Variants in VAC14 observed in about 807,000 individuals in gnomAD.
The protein encoded by VAC14 is VAC14 component of PIKFYVE complex, also known as protein VAC14 homolog.
VAC14 carries 47 observed loss-of-function variants against 85.3 expected under a neutral mutation model. That is an observed-to-expected ratio of 0.55 (90% CI 0.44 to 0.70). The LOEUF (loss-of-function observed/expected upper bound fraction) is 0.70, where lower values mean the gene tolerates loss of function less well. VAC14 is among the 30% of genes least tolerant of loss of function. The probability of loss-of-function intolerance (pLI) is 0.00; values close to 1 mark genes in which losing one functional copy is unlikely to be tolerated. For missense variants in VAC14, 861 were observed against 1,004.3 expected (o/e 0.86, Z 1.93); for synonymous variants, 447 against 430.5 (o/e 1.04, Z -0.47).
At chr16:70,721,024 G>A (rs951763714) in intron 14 of VAC14, among the ~76,000 whole-genome samples, 2 of 152,228 alleles carry the variant, frequency 1.3e-5, no homozygotes, top group African/African-American at 4.8e-5. Context: ...GCGAGCCACT[G>A]CGATAAGCCA....
chr16:70,766,918 T>C (rs1216482306), intron 10 of VAC14, among the ~76,000 whole-genome samples: 1 of 152,152 alleles, frequency 6.6e-6, no homozygotes, highest in African/African-American at 2.4e-5. Flanking sequence ...CATGATGTGC[T>C]CAGTTCCCCA....
chr16:70,741,479 G>A (rs942883239), intron 13 of VAC14, among the ~76,000 whole-genome samples: 1 of 152,202 alleles, frequency 6.6e-6, no homozygotes, highest in African/African-American at 2.4e-5. Flanking sequence ...GGCCCCATTT[G>A]TAAAATCTGA....
chr16:70,689,836 C>T (rs1309717838), intron 18 of VAC14: 4 of 985,388 alleles, frequency 4.1e-6, no homozygotes, highest in Non-Finnish European at 4.8e-6. Context: ...CCTTGGGAAC[C>T]AGGTGCCACT....
intron 12 of VAC14, among the ~76,000 whole-genome samples, chr16:70,749,946 C>G (rs2031243718): frequency 1.3e-5 from 2 of 152,238 alleles, no homozygotes; most frequent in Admixed American, 1.3e-4. Flanking sequence ...TGGGTCCCAG[C>G]AACAGAGACT....
chr16:70,690,675 C>A, intron 18 of VAC14: 2 of 985,710 alleles, frequency 2.0e-6, no homozygotes, highest in Non-Finnish European at 2.4e-6. Context: ...CCCCGCAACT[C>A]GACCCTGTCT....
At chr16:70,702,913 T>C (rs1185268112) in intron 14 of VAC14, among the ~76,000 whole-genome samples, 3 of 152,204 alleles carry the variant, frequency 2.0e-5, no homozygotes, top group Admixed American at 6.5e-5. Context: ...TCACATAACC[T>C]GGGCAGGGTT....
At chr16:70,785,161 C>T (rs763873026) in intron 3 of VAC14, among the ~76,000 whole-genome samples, 21 of 152,208 alleles carry the variant, frequency 1.4e-4, no homozygotes, top group Non-Finnish European at 2.5e-4. Flanking sequence ...AATCTTAAAG[C>T]GCTGGGTCCT....
chr16:70,742,839 A>T (rs1039173446), intron 13 of VAC14, among the ~76,000 whole-genome samples: 2 of 152,230 alleles, frequency 1.3e-5, no homozygotes, highest in Admixed American at 6.5e-5. Context: ...ATGACACGTG[A>T]GGCTGCATCA....
intron 9 of VAC14, among the ~76,000 whole-genome samples, chr16:70,779,317 T>G (rs1211922046): frequency 6.6e-6 from 1 of 152,262 alleles, no homozygotes; most frequent in African/African-American, 2.4e-5. Flanking sequence ...AATGGGAGAA[T>G]GCTCAGCAAT....
chr16:70,706,813 T>C (rs966609849), intron 14 of VAC14, among the ~76,000 whole-genome samples: 7 of 152,198 alleles, frequency 4.6e-5, no homozygotes, highest in South Asian at 2.1e-4. Flanking sequence ...CCTTTCTACA[T>C]TGGATGCTGG....
chr16:70,771,985 G>A lies in VAC14; in HGVS notation c.1160+124C>T, dbSNP rs1475224539. 4.9e-6 allele frequency: 4 copies of A among 817,012 alleles called. No homozygotes were observed. In the African/African-American group the frequency reaches 5.1e-5, roughly 10 times the overall value. The allele number at this position is 817,012 out of a possible 1,614,324, so 50.6% of individuals were successfully genotyped here. ...ATCAATTAACTCTTTTGTGTACGAG[G>A]GTGTCCCAAAAGCAGCAGCCGCGAG... On this transcript the variant is annotated intron_variant, in intron 10 of 18. Transcript: ENST00000261776.
At chr16:70,709,055 T>C (rs2053977447) in intron 14 of VAC14, among the ~76,000 whole-genome samples, 1 of 152,200 alleles carries the variant, frequency 6.6e-6, no homozygotes. Context: ...CCACAGGGAT[T>C]TCCTCCAAGC....
chr16:70,692,130 CA>C, intron 18 of VAC14: 1 of 976,174 alleles, frequency 1.0e-6, no homozygotes, highest in Non-Finnish European at 1.2e-6. Context: ...AATATAGATG[CA>C]GCCCTACAGG....
chr16:70,719,911 T>A (rs2142998414), intron 14 of VAC14, among the ~76,000 whole-genome samples: 1 of 152,274 alleles, frequency 6.6e-6, no homozygotes, highest in Admixed American at 6.5e-5. Context: ...TAAGAAAGCA[T>A]TATCCATAAT....
chr16:70,766,511 G>C (rs1231128598), intron 10 of VAC14: 1 of 456,652 alleles, frequency 2.2e-6, no homozygotes, highest in African/African-American at 2.0e-5. Flanking sequence ...CGGTCCTGCC[G>C]CACTCAACCC....
At chr16:70,763,161 G>A (rs1467397742) in intron 10 of VAC14, 136 bp from the exon 11 acceptor site, 6 of 1,289,444 alleles carry the variant, frequency 4.7e-6, no homozygotes, top group Non-Finnish European at 6.4e-6. Context: ...CGGGGGTCAG[G>A]GATAACCTGA....
At chr16:70,744,660 C>T in intron 12 of VAC14, 81 bp from the exon 13 acceptor site, 6 of 1,476,492 alleles carry the variant, frequency 4.1e-6, no homozygotes, top group Non-Finnish European at 5.4e-6. Context: ...GTTGGTGGCA[C>T]ACAGCCACCT....
chr16:70,724,624 C>T (rs1330135629), intron 14 of VAC14, among the ~76,000 whole-genome samples: 4 of 152,156 alleles, frequency 2.6e-5, no homozygotes, highest in African/African-American at 4.8e-5. Flanking sequence ...AGCCGGGAGC[C>T]GGTTGTGTAA....
At chr16:70,800,416 T>A (rs536313063) in intron 1 of VAC14, among the ~76,000 whole-genome samples, 1 of 152,220 alleles carries the variant, frequency 6.6e-6, no homozygotes, top group South Asian at 2.1e-4. Flanking sequence ...CTGGTCAGCA[T>A]CACCTGCAAA....
Sources: allele counts gnomAD v4.1 joint callset (sites outside exome capture counted in the v4.1 genomes callset), GRCh38; gene constraint gnomAD v4.1.1; transcripts MANE v1.5; gene names NCBI Gene and HGNC (gene_info 2026-07-23, HGNC 2026-07-21).